Variants in USP8 observed in about 807,000 individuals in gnomAD.
USP8 encodes the protein ubiquitin carboxyl-terminal hydrolase 8.
Under a neutral mutation model 130.0 loss-of-function variants are expected in USP8, and 27 were observed. The observed-to-expected ratio is 0.21, with a 90% confidence interval of 0.15 to 0.29. USP8 has a LOEUF of 0.29. USP8 is among the 10% of genes least tolerant of loss of function. The pLI, the probability that USP8 is intolerant of heterozygous loss-of-function variation, is 1.00. For synonymous variants in USP8, 392 were observed against 444.1 expected (o/e 0.88, Z 1.48); for missense variants, 1,029 against 1,312.2 (o/e 0.78, Z 3.33).
At chr15:50,496,300 T>C (rs1340352634) in intron 17 of USP8, among the ~76,000 whole-genome samples, 1 of 151,876 alleles carries the variant, frequency 6.6e-6, no homozygotes, top group East Asian at 1.9e-4. Context: ...GATAACACGG[T>C]GAAACCCCAT....
Position 50,481,832 on chromosome 15 carries a change from G to A in USP8, c.1570G>A (p.Glu524Lys). ...AGAGAAGCAACAAAAAGCAAAAGAA[G>A]AAATGGAGAAGAAAGAAAGTGAACA... Reference protein sequence around the residue: ...ITEKQQKAKEEMEKKESEQAK... With the variant: ...ITEKQQKAKEKMEKKESEQAK... The change falls in exon 11 of 20, where the codon GAA becomes AAA. Residue 524 changes from glutamate (E) to lysine (K), a missense_variant. Around this residue, in one of 4 missense-constraint regions of USP8, gnomAD observed 486 missense variants for 522.0 expected, o/e 0.93. Coordinates refer to ENST00000307179, the MANE Select transcript of USP8 (RefSeq NM_005154.5). 2.0e-6 allele frequency: 3 copies of A among 1,526,328 alleles called. No homozygotes were observed. Among genetic ancestry groups the A allele is most frequent in the Non-Finnish European group, 2.6e-6 (3 of 1,142,734 alleles). 94.5% of individuals were successfully genotyped at this position (1,526,328 alleles called of 1,614,324 possible).
intron 12 of USP8, among the ~76,000 whole-genome samples, chr15:50,488,831 C>T (rs528457135): frequency 1.3e-5 from 2 of 151,946 alleles, no homozygotes; most frequent in Admixed American, 6.5e-5. Flanking sequence ...CCTCGGCCTC[C>T]CAAAGCGCTG....
Position 50,498,634 on chromosome 15 carries a change from C to A in USP8, c.3077C>A (p.Thr1026Lys). The A allele has an allele frequency of 6.2e-7, 1 of 1,612,016 alleles. No homozygotes were observed. The highest frequency in any genetic ancestry group is 8.5e-7 in the Non-Finnish European group (1 of 1,179,276). ...GGCAGGTGGAAACAAAAATTACAGACATCTGTGGACTTCCCGTTAGAAAAT... is the reference window on the plus strand; with the variant it reads ...GGCAGGTGGAAACAAAAATTACAGAAATCTGTGGACTTCCCGTTAGAAAAT... ...YDGRWKQKLQ[T>K]SVDFPLENLD... The change falls in exon 19 of 20, where the codon ACA becomes AAA. Residue 1026 changes from threonine (T) to lysine (K), a missense_variant. By Grantham distance (78) the Thr-to-Lys change is moderately conservative. This residue lies in a region of USP8 where 257 missense variants were observed against 429.8 expected (regional missense o/e 0.60). Coordinates refer to ENST00000307179, the MANE Select transcript of USP8 (RefSeq NM_005154.5).
At chr15:50,488,432 A>AT (rs1319123334) in intron 12 of USP8, among the ~76,000 whole-genome samples, 2 of 151,870 alleles carry the variant, frequency 1.3e-5, no homozygotes, top group Non-Finnish European at 2.9e-5. Flanking sequence ...GTACAGTGGC[A>AT]TGATCATAGC....
chr15:50,467,001 C>T (rs2051214107), intron 7 of USP8: 3 of 510,336 alleles, frequency 5.9e-6, no homozygotes, highest in Admixed American at 2.5e-5. Context: ...CCACAAACAA[C>T]TCATTGACTT....
Position 50,439,790 on chromosome 15 carries a change from CAATAATAATAAT to C in USP8, c.104+641_104+652del, listed in dbSNP as rs57780466. Among the ~76,000 whole-genome samples the C allele has an allele frequency of 1.6e-3, 217 of 133,590 alleles. 1 individual carries two copies. Among genetic ancestry groups the C allele is most frequent in the African/African-American group, 4.4e-3 (165 of 37,916 alleles). 87.6% of individuals were successfully genotyped at this position (133,590 alleles called of 152,430 possible). A position where few individuals can be genotyped will look rare whatever the true frequency, so the allele number is the denominator to read the frequency against. On this transcript the variant is annotated intron_variant, in intron 2 of 19. Coordinates refer to ENST00000307179, the MANE Select transcript of USP8 (RefSeq NM_005154.5). ...GGGCAATAAGAGCGAAACTCTGTCT[CAATAATAATAAT>C]AATAATAATAATAATAATAATAATA...
In USP8 at chr15:50,500,960, A is replaced by G. The variant is rs2052574446; in HGVS notation, c.*1872A>G. On this transcript the variant is annotated 3_prime_UTR_variant, in exon 20 of 20. Transcript: ENST00000307179. ...TTATTCTAAATTAAAAGGAAGTGAT[A>G]ATTTTGTTGTTAAATCATGCATATA... is the stretch of plus-strand genomic sequence containing the variant. 1.2e-6 allele frequency: 1 copy of G among 839,254 alleles called. No individual in the cohort carries two copies. Among genetic ancestry groups the G allele is most frequent in the Non-Finnish European group, 1.9e-6 (1 of 525,468 alleles). 52.0% of individuals were successfully genotyped at this position (839,254 alleles called of 1,614,324 possible).
chr15:50,482,829 G>A (rs1237743302), intron 11 of USP8, among the ~76,000 whole-genome samples: 3 of 152,140 alleles, frequency 2.0e-5, no homozygotes, highest in Non-Finnish European at 2.9e-5. Flanking sequence ...TCTAATGGAA[G>A]GCGGGATACC....
At chr15:50,456,573 CAAAAA>C (rs36014118) in intron 4 of USP8, among the ~76,000 whole-genome samples, 1 of 104,878 alleles carries the variant, frequency 9.5e-6, no homozygotes. Flanking sequence ...GACTCCGTCT[CAAAAA>C]AAAAAAAAAA....
At chr15:50,462,985 T>C (rs7169778) in intron 6 of USP8, among the ~76,000 whole-genome samples, 20,847 of 152,078 alleles carry the variant, frequency 0.14, 1,943 homozygotes, top group Middle Eastern at 0.28. Flanking sequence ...CAGTGGCTCA[T>C]TCCTGTAATC....
chr15:50,486,790 A>G (rs1453051383), intron 12 of USP8, among the ~76,000 whole-genome samples: 1 of 152,222 alleles, frequency 6.6e-6, no homozygotes, highest in African/African-American at 2.4e-5. Flanking sequence ...GGTGCAGTGT[A>G]TACTGCTCAG....
intron 5 of USP8, among the ~76,000 whole-genome samples, chr15:50,460,138 C>T (rs2050938467): frequency 6.6e-6 from 1 of 151,068 alleles, no homozygotes; most frequent in Non-Finnish European, 1.5e-5. Context: ...GCTGGGATTA[C>T]AGGCGCCCGC....
Position 50,484,304 on chromosome 15 carries a change from T to A in USP8, c.1833T>A (p.Ser611Arg). ...TTAAGATTAAAGGACAACCAGAAAG[T>A]GGAATTCTAAGGACAGGAACTTTTA... Reference protein sequence around the residue: ...KPFKIKGQPESGILRTGTFRE... With the variant: ...KPFKIKGQPERGILRTGTFRE... The change falls in exon 12 of 20, where the codon AGT (serine) becomes AGA (arginine). Residue 611 changes from serine to arginine, a missense_variant. Around this residue, in one of 4 missense-constraint regions of USP8, gnomAD observed 486 missense variants for 522.0 expected, o/e 0.93. Transcript: ENST00000307179. 1 of 1,611,874 alleles carries A rather than the reference T, an allele frequency of 6.2e-7. No individual in the cohort carries two copies. Among genetic ancestry groups the A allele is most frequent in the Non-Finnish European group, 8.5e-7 (1 of 1,179,238 alleles).
chr15:50,471,806 T>G lies in USP8; in HGVS notation c.849+11T>G. 1.2e-6 allele frequency: 2 copies of G among 1,613,514 alleles called. No homozygotes were observed. Among genetic ancestry groups the G allele is most frequent in the Non-Finnish European group, 1.7e-6 (2 of 1,179,838 alleles). On this transcript the variant is annotated intron_variant, in intron 8 of 19. Transcript: ENST00000307179. Reference sequence around the variant, plus strand: ...GATGCACTTTTCAAGGTTTGCAAGTTTCATTGTTAGTTTATTGTAATTGCA... The same window carrying G: ...GATGCACTTTTCAAGGTTTGCAAGTGTCATTGTTAGTTTATTGTAATTGCA...
Position 50,434,819 on chromosome 15 carries a change from C to G in USP8, c.-65-4190C>G, listed in dbSNP as rs531978928. ...ATTTTTAATAGAGATGAGGTTTCACCATGTTGGCCAGGCTGGTCTCAAACT... is the reference window on the plus strand; with the variant it reads ...ATTTTTAATAGAGATGAGGTTTCACGATGTTGGCCAGGCTGGTCTCAAACT... On this transcript the variant is annotated intron_variant, in intron 1 of 19. Coordinates refer to ENST00000307179, the MANE Select transcript of USP8 (RefSeq NM_005154.5). 1.7e-4 allele frequency among the ~76,000 whole-genome samples: 26 copies of G among 152,202 alleles called. No individual in the cohort carries two copies. In the South Asian group the frequency reaches 3.5e-3, roughly 21 times the overall value.
At chr15:50,453,693 A>G (rs1165764618) in intron 4 of USP8, among the ~76,000 whole-genome samples, 1 of 152,074 alleles carries the variant, frequency 6.6e-6, no homozygotes, top group East Asian at 1.9e-4. Context: ...AGTTGTAACA[A>G]TTACTGAGAG....
At chr15:50,438,946 A>G in intron 1 of USP8, 63 bp from the exon 2 acceptor site, 1 of 632,528 alleles carries the variant, frequency 1.6e-6, no homozygotes, top group East Asian at 3.1e-5. Context: ...TTTTTTTTTT[A>G]AACTGCTCAC....
chr15:50,426,895 C>T (rs914996356), intron 1 of USP8: 9 of 151,908 alleles, frequency 5.9e-5, no homozygotes, highest in African/African-American at 1.9e-4. Context: ...CTCTTGTTTG[C>T]ATTTATATAG....
chr15:50,426,014 T>C (rs2049704515), intron 1 of USP8, among the ~76,000 whole-genome samples: 1 of 152,000 alleles, frequency 6.6e-6, no homozygotes, highest in Admixed American at 6.6e-5. Context: ...CCAGCTACTC[T>C]GGAGGCTGAG....
Sources: gnomAD v4.1 joint callset for allele counts (sites outside exome capture counted in the v4.1 genomes callset) on GRCh38, gnomAD v4.1.1 for gene constraint, gnomAD v4.1.1 regional missense constraint, MANE v1.5 for transcripts, NCBI Gene and HGNC (gene_info 2026-07-23, HGNC 2026-07-21) for gene names.